HDHD2: variants seen among roughly 807,000 people sequenced by gnomAD.
The protein encoded by HDHD2 is haloacid dehalogenase-like hydrolase domain-containing protein 2.
A neutral mutation model predicts 24.8 loss-of-function variants in HDHD2; 26 were observed. The observed-to-expected ratio is 1.05, with a 90% CI of 0.77 to 1.45. The LOEUF (loss-of-function observed/expected upper bound fraction) is 1.45. Among genes scored for constraint, HDHD2 ranks in the 40% most tolerant of loss-of-function variants. The pLI, the probability that HDHD2 is intolerant of heterozygous loss-of-function variation, is 0.00. For missense variants in HDHD2, 299 were observed against 313.4 expected (o/e 0.95, Z 0.35); for synonymous variants, 128 against 114.9 (o/e 1.11, Z -0.73).
At chr18:47,127,053 T>C (rs2684851) in intron 4 of HDHD2, among the ~76,000 whole-genome samples, 98,733 of 151,742 alleles carry the variant, frequency 0.65, 32,710 homozygotes, top group African/African-American at 0.79. Context: ...CCCAGCTACC[T>C]GGGAGGCTGA....
At chr18:47,125,271 C>A (rs1016282642) in intron 4 of HDHD2, among the ~76,000 whole-genome samples, 1 of 152,196 alleles carries the variant, frequency 6.6e-6, no homozygotes, top group Non-Finnish European at 1.5e-5. Flanking sequence ...CATTGGAACT[C>A]TCATTTGTAG....
At chr18:47,117,449 C>A (rs1164306696) in intron 4 of HDHD2, among the ~76,000 whole-genome samples, 1 of 152,160 alleles carries the variant, frequency 6.6e-6, no homozygotes, top group Middle Eastern at 3.2e-3. Flanking sequence ...CTCTTGTGTG[C>A]GTGCTCTCTT....
chr18:47,115,210 C>T lies in HDHD2; in HGVS notation c.534G>A (p.Gly178=). 3 of 1,614,022 alleles carry T rather than the reference C, an allele frequency of 1.9e-6. No individual in the cohort carries two copies. The highest frequency in any genetic ancestry group is 2.5e-6 in the Non-Finnish European group (3 of 1,179,920). ...CCAAAAAGAACGTCTTCTCTGGTTT[C>T]CCCACGACTGTGGCTTTGGTATCTG... The part of the protein sequence containing the change: ...YATDTKATVV[G]KPEKTFFLEA... Residue 178 remains glycine (G), a synonymous_variant, in exon 5 of 7, where the codon GGG becomes GGA. Coordinates refer to ENST00000300605, the MANE Select transcript of HDHD2 (RefSeq NM_032124.5).
At chr18:47,110,350 C>T in intron 6 of HDHD2, 1 of 985,426 alleles carries the variant, frequency 1.0e-6, no homozygotes, top group Non-Finnish European at 1.2e-6. Context: ...AGGCACCTGT[C>T]CATAGCATGG....
At chr18:47,113,119 G>T in intron 5 of HDHD2, 79 bp from the exon 6 acceptor site, 1 of 1,190,760 alleles carries the variant, frequency 8.4e-7, no homozygotes, top group Non-Finnish European at 1.3e-6. Flanking sequence ...GATTTATTAG[G>T]CTAGGGTGTC....
chr18:47,139,303 CAA>C (rs34392866), intron 1 of HDHD2, among the ~76,000 whole-genome samples: 26 of 142,718 alleles, frequency 1.8e-4, no homozygotes, highest in Admixed American at 1.4e-4. Flanking sequence ...CTAAAAAATA[CAA>C]AAAAAAAAAA....
chr18:47,145,753 A>G (rs1285656063), intron 1 of HDHD2, among the ~76,000 whole-genome samples: 1 of 152,250 alleles, frequency 6.6e-6, no homozygotes, highest in East Asian at 1.9e-4. Context: ...CATTGAAGAA[A>G]AGACAGATAA....
chr18:47,121,120 A>T (rs2063602265), intron 4 of HDHD2, among the ~76,000 whole-genome samples: 1 of 151,910 alleles, frequency 6.6e-6, no homozygotes, highest in Non-Finnish European at 1.5e-5. Flanking sequence ...AAAAAAAAAA[A>T]TGCAAGTGAA....
At chr18:47,148,762 T>C (rs1055101986) in intron 1 of HDHD2, among the ~76,000 whole-genome samples, 1 of 152,214 alleles carries the variant, frequency 6.6e-6, no homozygotes, top group Admixed American at 6.5e-5. Flanking sequence ...CTTTTTGAAG[T>C]TGGAAATCAA....
At chr18:47,117,201 A>C (rs1267094363) in intron 4 of HDHD2, among the ~76,000 whole-genome samples, 1 of 152,190 alleles carries the variant, frequency 6.6e-6, no homozygotes, top group African/African-American at 2.4e-5. Context: ...TATCAGAGCC[A>C]CCCCAATACT....
chr18:47,140,429 TTTAAA>T (rs886204366), intron 1 of HDHD2, among the ~76,000 whole-genome samples: 6 of 152,256 alleles, frequency 3.9e-5, no homozygotes, highest in African/African-American at 1.4e-4. Flanking sequence ...ATTAAATTAT[TTTAAA>T]TTACTTTTCT....
chr18:47,129,301 T>G (rs972654525), intron 4 of HDHD2, among the ~76,000 whole-genome samples: 7 of 152,128 alleles, frequency 4.6e-5, no homozygotes, highest in Admixed American at 2.0e-4. Flanking sequence ...AGCAGCAAAA[T>G]AGTTCATTTA....
chr18:47,111,081 C>T (rs559549781), intron 6 of HDHD2: 2 of 985,318 alleles, frequency 2.0e-6, no homozygotes, highest in South Asian at 9.4e-5. Context: ...GTTTTTAGAA[C>T]AGTAGGGTTA....
At chr18:47,121,602 A>G (rs1336345026) in intron 4 of HDHD2, among the ~76,000 whole-genome samples, 1 of 152,216 alleles carries the variant, frequency 6.6e-6, no homozygotes, top group African/African-American at 2.4e-5. Flanking sequence ...AAGTGCAAAT[A>G]GATGTGATCA....
chr18:47,107,714 C>G lies in HDHD2; in HGVS notation c.*968G>C, dbSNP rs1294487326. ...TACAAGACGAGATTTCATTTTACAG[C>G]TGTAGTAACCAAGTGCATAAAAGCT... On this transcript the variant is annotated 3_prime_UTR_variant, in exon 7 of 7. Coordinates refer to ENST00000300605, the MANE Select transcript of HDHD2 (RefSeq NM_032124.5). 1 of 152,520 alleles carries G rather than the reference C, an allele frequency of 6.6e-6. No homozygotes were observed. Among genetic ancestry groups the G allele is most frequent in the Non-Finnish European group, 1.5e-5 (1 of 68,026 alleles). The allele number at this position is 152,520 out of a possible 1,614,324, so 9.4% of individuals were successfully genotyped here.
chr18:47,146,978 A>G (rs1325101545), intron 1 of HDHD2, among the ~76,000 whole-genome samples: 1 of 152,176 alleles, frequency 6.6e-6, no homozygotes, highest in East Asian at 1.9e-4. Flanking sequence ...ATTATACTAT[A>G]ATCATTTTAA....
chr18:47,110,080 G>A, intron 6 of HDHD2: 5 of 985,388 alleles, frequency 5.1e-6, no homozygotes, highest in Non-Finnish European at 6.0e-6. Flanking sequence ...GGTCTCTATT[G>A]TTGATTCTTC....
chr18:47,128,377 G>C (rs569427928), intron 4 of HDHD2, among the ~76,000 whole-genome samples: 1 of 152,148 alleles, frequency 6.6e-6, no homozygotes, highest in South Asian at 2.1e-4. Flanking sequence ...TGAGTGAAAA[G>C]TAGTAGAAGT....
chr18:47,137,909 T>C (rs984375478), intron 1 of HDHD2, among the ~76,000 whole-genome samples: 2 of 150,000 alleles, frequency 1.3e-5, no homozygotes, highest in African/African-American at 4.9e-5. Context: ...CTGGGTGCAG[T>C]GGCTTAGCAC....
Sources: gnomAD v4.1 joint callset for allele counts (sites outside exome capture counted in the v4.1 genomes callset) on GRCh38, gnomAD v4.1.1 for gene constraint, MANE v1.5 for transcripts, NCBI Gene and HGNC (gene_info 2026-07-23, HGNC 2026-07-21) for gene names.